Variants in MCF2L observed in about 807,000 individuals in gnomAD.
The protein encoded by MCF2L is guanine nucleotide exchange factor DBS.
Under a neutral mutation model 153.4 loss-of-function variants are expected in MCF2L, and 97 were observed. That is an observed-to-expected ratio of 0.63 (90% CI 0.54 to 0.75). MCF2L has a LOEUF of 0.75. MCF2L is among the 30% of genes least tolerant of loss of function. The pLI is 0.00. For missense variants in MCF2L, 1,347 were observed against 1,495.2 expected, an observed-to-expected ratio of 0.90 and a Z score of 1.64; for synonymous variants, 659 against 632.2, an observed-to-expected ratio of 1.04 and a Z score of -0.64.
At chr13:112,962,125 GCA>G (rs146004792) in intron 2 of MCF2L, among the ~76,000 whole-genome samples, 4,599 of 117,338 alleles carry the variant, frequency 0.039, 153 homozygotes, top group Non-Finnish European at 0.053. Flanking sequence ...GCACATGCAT[GCA>G]CACACACACT....
At chr13:112,929,584 G>A (rs1246612479) in intron 2 of MCF2L, among the ~76,000 whole-genome samples, 1 of 152,206 alleles carries the variant, frequency 6.6e-6, no homozygotes, top group Non-Finnish European at 1.5e-5. Flanking sequence ...TGAAGTGCAT[G>A]GAGTCTGCCC....
rs1186974093 is a variant in MCF2L at position 113,085,676 on chromosome 13, G to A, written c.2248-448G>A. ...TCAGGGTGGCAGGAGGGAGCTCCCCGGGGAGCAGGTGCGAGGGGTTTGCAC... is the reference window on the plus strand; with the variant it reads ...TCAGGGTGGCAGGAGGGAGCTCCCCAGGGAGCAGGTGCGAGGGGTTTGCAC... On this transcript the variant is annotated intron_variant, in intron 20 of 29. Transcript: ENST00000535094. 9.6e-5 allele frequency among the ~76,000 whole-genome samples: 14 copies of A among 145,528 alleles called. No individual in the cohort carries two copies. In the East Asian group the frequency reaches 1.1e-3, roughly 11 times the overall value.
At chr13:113,050,744 C>CG (rs1212446724) in intron 4 of MCF2L, among the ~76,000 whole-genome samples, 1 of 3,454 alleles carries the variant, frequency 2.9e-4, no homozygotes, top group East Asian at 3.0e-3. Flanking sequence ...GCGGGGGGAG[C>CG]GGGGGGGTGC....
In MCF2L at chr13:113,075,347, T is replaced by A. The variant is rs369015335; in HGVS notation, c.1308+158T>A. ...TTTCTGGTCTTGTTGGCCTAGAGGGTCTTTTTCTAGAATTCATTTGCCACA... is the reference window on the plus strand; with the variant it reads ...TTTCTGGTCTTGTTGGCCTAGAGGGACTTTTTCTAGAATTCATTTGCCACA... On this transcript the variant is annotated intron_variant, in intron 11 of 29. Transcript: ENST00000535094. Among the ~76,000 whole-genome samples, 14 of 151,818 alleles carry A rather than the reference T, an allele frequency of 9.2e-5. No individual in the cohort carries two copies. The East Asian group carries it at 2.3e-3, about 25-fold the overall frequency.
rs2141874747 is a variant in MCF2L, at chr13:113,070,238, C to A, written c.996+65C>A. The A allele has an allele frequency of 8.7e-7, 1 of 1,153,030 alleles. No individual in the cohort carries two copies. The highest frequency in any genetic ancestry group is 1.5e-5 in the South Asian group (1 of 64,912). The allele number at this position is 1,153,030 out of a possible 1,614,324, so 71.4% of individuals were successfully genotyped here. A position where few individuals can be genotyped will look rare whatever the true frequency, so the allele number is the denominator to read the frequency against. On this transcript the variant is annotated intron_variant, in intron 9 of 29. Transcript: ENST00000535094. The surrounding 1 kb of genome is among the most constrained non-coding windows in gnomAD (Gnocchi z 5.6). The stretch of plus-strand genomic sequence containing the variant: ...TCACGGGGCCTCCTGTGCCTGCGCC[C>A]TGGTCCCAGTGCCGGGAGCTGAGCC...
chr13:112,943,381 C>A lies in MCF2L; in HGVS notation c.169+41010C>A, dbSNP rs533589289. Among the ~76,000 whole-genome samples, 1 of 151,186 alleles carries A rather than the reference C, an allele frequency of 6.6e-6. No homozygotes were observed. The highest frequency in any genetic ancestry group is 2.4e-5 in the African/African-American group (1 of 41,044). On this transcript the variant is annotated intron_variant, in intron 2 of 29. Coordinates refer to the MCF2L transcript ENST00000375608. The surrounding 1 kb of genome is among the most constrained non-coding windows in gnomAD (Gnocchi z 4.2). ...GCGCGGGGAGGGCGGCGGCTCCCAG[C>A]TCCCGGTCCCCGGCTCCGCGCCGCA...
intron 3 of MCF2L, chr13:113,040,812 GC>G (rs1195136590): frequency 6.6e-6 from 1 of 152,206 alleles, no homozygotes; most frequent in African/African-American, 2.4e-5. Context: ...CATCCCTCAC[GC>G]TCTGCTCCTG....
At chr13:113,020,062 C>T (rs2084780125) in intron 2 of MCF2L, among the ~76,000 whole-genome samples, 1 of 152,194 alleles carries the variant, frequency 6.6e-6, no homozygotes, top group Non-Finnish European at 1.5e-5. Flanking sequence ...GGTAGGAGTT[C>T]CGTGTGGCTA....
chr13:113,084,732 C>T, intron 18 of MCF2L, 160 bp from the exon 19 acceptor site: 2 of 641,540 alleles, frequency 3.1e-6, no homozygotes, highest in East Asian at 5.3e-5. Flanking sequence ...CAGTGCCGGC[C>T]CTCGGAAGCT....
In MCF2L at chr13:113,094,499, G is replaced by A. The variant is rs376532848; in HGVS notation, c.2954-15G>A. Reference sequence around the variant, plus strand: ...CATCACCGGGGGGTCCCTCACGGGTGTCTGTCTCTCTTAGGTTGGAGCAAA... The same window carrying A: ...CATCACCGGGGGGTCCCTCACGGGTATCTGTCTCTCTTAGGTTGGAGCAAA... On this transcript the variant is annotated splice_polypyrimidine_tract_variant and intron_variant, in intron 26 of 29. Transcript: ENST00000535094. The A allele has an allele frequency of 1.5e-4, 243 of 1,605,340 alleles. 3 individuals are homozygous for A. In the African/African-American group the frequency reaches 2.9e-3, roughly 19 times the overall value.
intron 1 of MCF2L, among the ~76,000 whole-genome samples, chr13:112,974,456 G>C (rs2082151925): frequency 6.6e-6 from 1 of 152,180 alleles, no homozygotes; most frequent in Non-Finnish European, 1.5e-5. Flanking sequence ...GCATGCTGCT[G>C]TTCTGCTGCT....
chr13:113,034,716 G>C (rs1055378091), intron 3 of MCF2L, among the ~76,000 whole-genome samples: 10 of 152,110 alleles, frequency 6.6e-5, no homozygotes, highest in African/African-American at 2.2e-4. Flanking sequence ...CCTTGCCCTT[G>C]CCCTGGTCTC....
At chr13:113,051,021 C>T (rs2087275848) in intron 4 of MCF2L, among the ~76,000 whole-genome samples, 2 of 151,984 alleles carry the variant, frequency 1.3e-5, no homozygotes, top group Non-Finnish European at 2.9e-5. Context: ...ACTGCGGCGA[C>T]ACGGGGGTGG....
Position 113,066,855 on chromosome 13 carries a change from G to A in MCF2L, c.881+685G>A, listed in dbSNP as rs78001987. Among the ~76,000 whole-genome samples, 1,354 of 152,340 alleles carry A rather than the reference G, an allele frequency of 8.9e-3. 16 individuals carry two copies. Among genetic ancestry groups the A allele is most frequent in the African/African-American group, 0.03 (1,267 of 41,584 alleles). ...AGCGGCTTGTCCGGCAGGGCCGTGC[G>A]GGGCGCACCCAGGCCTGGACCAAGC... On this transcript the variant is annotated intron_variant, in intron 8 of 29. Coordinates refer to ENST00000535094, the MANE Select transcript of MCF2L (RefSeq NM_001112732.3).
At chr13:113,059,732 G>C (rs2031052891) in intron 4 of MCF2L, among the ~76,000 whole-genome samples, 1 of 152,256 alleles carries the variant, frequency 6.6e-6, no homozygotes, top group African/African-American at 2.4e-5. Flanking sequence ...TCCCAATGGA[G>C]AAGCTGAGAC....
Position 112,935,344 on chromosome 13 carries a change from G to A in MCF2L, c.169+32973G>A, listed in dbSNP as rs184128289. ...ACGATCTCAGCTCACTGCAGCCTCCGCCTCCCGGGTTCCAGCGATTCTCCT... is the reference window on the plus strand; with the variant it reads ...ACGATCTCAGCTCACTGCAGCCTCCACCTCCCGGGTTCCAGCGATTCTCCT... On this transcript the variant is annotated intron_variant, in intron 2 of 29. Coordinates refer to the MCF2L transcript ENST00000375608. 5.8e-4 allele frequency among the ~76,000 whole-genome samples: 88 copies of A among 152,200 alleles called. 1 individual carries two copies. Among genetic ancestry groups the A allele is most frequent in the African/African-American group, 2.0e-3 (82 of 41,494 alleles).
At position 112,951,347 on chromosome 13, in the gene MCF2L, C is replaced by A. The variant is rs1320447330; in HGVS notation, c.169+48976C>A. Reference sequence around the variant, plus strand: ...TCTCATATGACCCAGCAATTGCACTCCTGGGAATTTATCCCAGAGAAATCA... The same window carrying A: ...TCTCATATGACCCAGCAATTGCACTACTGGGAATTTATCCCAGAGAAATCA... On this transcript the variant is annotated intron_variant, in intron 2 of 29. Transcript: ENST00000375608. This position sits in a 1 kb window ranked among gnomAD's most constrained non-coding sequence, Gnocchi z 4.8. 6.6e-6 allele frequency among the ~76,000 whole-genome samples: 1 copy of A among 152,146 alleles called. No individual in the cohort carries two copies. Among genetic ancestry groups the A allele is most frequent in the Non-Finnish European group, 1.5e-5 (1 of 68,012 alleles).
In MCF2L at chr13:113,078,321, G is replaced by C. The variant is rs753749120; in HGVS notation, c.1661-42G>C. ...TGGGTGCACTTCCCCTCTCCAGAGG[G>C]TCAGAGGGGACTTCATGCCCCGCTC... On this transcript the variant is annotated intron_variant, in intron 13 of 29. Coordinates refer to ENST00000535094, the MANE Select transcript of MCF2L (RefSeq NM_001112732.3). 2.7e-6 allele frequency: 4 copies of C among 1,502,794 alleles called. No homozygotes were observed. The South Asian group carries it at 3.4e-5, about 13-fold the overall frequency. 93.1% of individuals were successfully genotyped at this position (1,502,794 alleles called of 1,614,324 possible).
At chr13:113,013,933 T>A (rs1329306628) in intron 1 of MCF2L, among the ~76,000 whole-genome samples, 2 of 150,406 alleles carry the variant, frequency 1.3e-5, no homozygotes, top group Non-Finnish European at 2.9e-5. Flanking sequence ...GGCTCCATGC[T>A]CCTAGCTGGT....
Sources: allele counts gnomAD v4.1 joint callset (sites outside exome capture counted in the v4.1 genomes callset), GRCh38; gene constraint gnomAD v4.1.1; non-coding constraint Gnocchi (gnomAD v3.1); transcripts MANE v1.5; gene names NCBI Gene and HGNC (gene_info 2026-07-23, HGNC 2026-07-21).